Variants in CREB5 observed in about 807,000 individuals in gnomAD.
The protein encoded by CREB5 is cyclic AMP-responsive element-binding protein 5.
CREB5 carries 19 observed loss-of-function variants against 57.1 expected under a neutral mutation model. That is an observed-to-expected ratio of 0.33 (90% CI 0.23 to 0.49). The LOEUF is 0.49. Among genes scored for constraint, CREB5 ranks in the 20% least tolerant of loss-of-function variants. The pLI, the probability that CREB5 is intolerant of heterozygous loss-of-function variation, is 0.99. For missense variants in CREB5, 579 were observed against 671.6 expected, an observed-to-expected ratio of 0.86 and a Z score of 1.52; for synonymous variants, 238 against 238.3, an observed-to-expected ratio of 1.00 and a Z score of 0.01.
At chr7:28,413,805 G>T (rs924101951) in intron 1 of CREB5, among the ~76,000 whole-genome samples, 11 of 152,086 alleles carry the variant, frequency 7.2e-5, no homozygotes, top group Admixed American at 6.5e-5. Flanking sequence ...TTCCTGCATA[G>T]ATTTTCAATT....
intron 5 of CREB5, among the ~76,000 whole-genome samples, chr7:28,709,210 T>C (rs1802278911): frequency 6.6e-6 from 1 of 152,238 alleles, no homozygotes; most frequent in African/African-American, 2.4e-5. Context: ...CATCTCTTCA[T>C]GTCTGTAAGT....
intron 5 of CREB5, among the ~76,000 whole-genome samples, chr7:28,628,296 C>T (rs1443524076): frequency 1.3e-5 from 2 of 151,956 alleles, no homozygotes; most frequent in Non-Finnish European, 2.9e-5. Flanking sequence ...CTGAACTTAC[C>T]TCTGTTTGTT....
chr7:28,371,791 A>G (rs1392995873), intron 1 of CREB5, among the ~76,000 whole-genome samples: 2 of 151,752 alleles, frequency 1.3e-5, no homozygotes, highest in African/African-American at 2.4e-5. Flanking sequence ...CGTGTCCTCC[A>G]GTAGTCTCCA....
At chr7:28,552,238 A>G (rs150975298) in intron 4 of CREB5, among the ~76,000 whole-genome samples, 6 of 152,120 alleles carry the variant, frequency 3.9e-5, no homozygotes, top group Non-Finnish European at 5.9e-5. Flanking sequence ...GGGTTTTGCC[A>G]TGTTGCCCAG....
At chr7:28,805,736 T>G (rs1808687949) in intron 8 of CREB5, among the ~76,000 whole-genome samples, 1 of 151,770 alleles carries the variant, frequency 6.6e-6, no homozygotes, top group African/African-American at 2.4e-5. Flanking sequence ...ATTTTTTTCC[T>G]GCCTTCCTCA....
intron 7 of CREB5, among the ~76,000 whole-genome samples, chr7:28,783,228 C>T (rs1807093937): frequency 6.6e-6 from 1 of 152,192 alleles, no homozygotes; most frequent in Non-Finnish European, 1.5e-5. Flanking sequence ...TATGCAATGT[C>T]CACACTAAAG....
intron 4 of CREB5, among the ~76,000 whole-genome samples, chr7:28,510,242 A>G (rs1214278999): frequency 6.6e-6 from 1 of 152,182 alleles, no homozygotes; most frequent in Non-Finnish European, 1.5e-5. Context: ...AAGCAGAAAC[A>G]CAGGTTCTTA....
chr7:28,557,532 C>T (rs1237723374), intron 4 of CREB5, among the ~76,000 whole-genome samples: 2 of 151,814 alleles, frequency 1.3e-5, no homozygotes, highest in African/African-American at 2.4e-5. Flanking sequence ...TGATCTGGTG[C>T]TTTTGGACCA....
At chr7:28,505,275 G>A (rs977107747) in intron 3 of CREB5, among the ~76,000 whole-genome samples, 2 of 152,062 alleles carry the variant, frequency 1.3e-5, no homozygotes, top group African/African-American at 4.8e-5. Flanking sequence ...CTCAGATCTT[G>A]TCCATACACT....
At chr7:28,726,247 G>A (rs1228007965) in intron 7 of CREB5, among the ~76,000 whole-genome samples, 2 of 152,164 alleles carry the variant, frequency 1.3e-5, no homozygotes, top group Admixed American at 6.5e-5. Flanking sequence ...GGGGCTTAGG[G>A]AGTACAGCTA....
intron 1 of CREB5, among the ~76,000 whole-genome samples, chr7:28,472,998 A>G (rs1318239400): frequency 6.6e-6 from 1 of 152,126 alleles, no homozygotes; most frequent in Non-Finnish European, 1.5e-5. Context: ...GTCTTCAAAC[A>G]GCTCATATGC....
intron 1 of CREB5, among the ~76,000 whole-genome samples, chr7:28,482,719 T>C (rs1791384964): frequency 6.6e-6 from 1 of 152,156 alleles, no homozygotes; most frequent in Non-Finnish European, 1.5e-5. Context: ...AAGCCCCCCT[T>C]TCAGATTTAT....
chr7:28,783,000 C>T (rs1041009422), intron 7 of CREB5, among the ~76,000 whole-genome samples: 9 of 152,078 alleles, frequency 5.9e-5, no homozygotes, highest in Admixed American at 2.0e-4. Flanking sequence ...AGGAAGATGA[C>T]GATTTAAGAT....
chr7:28,315,044 C>T (rs143204896), intron 1 of CREB5, among the ~76,000 whole-genome samples: 19 of 152,294 alleles, frequency 1.2e-4, no homozygotes, highest in African/African-American at 4.3e-4. Context: ...CCCTTGAAGT[C>T]AGTAGGAGAT....
At chr7:28,351,523 A>G (rs11765845) in intron 1 of CREB5, among the ~76,000 whole-genome samples, 100,706 of 152,046 alleles carry the variant, frequency 0.66, 34,183 homozygotes, top group South Asian at 0.77. Flanking sequence ...CTTTCTTCCC[A>G]TCTATTAATG....
chr7:28,329,880 A>G (rs1785681486), intron 1 of CREB5, among the ~76,000 whole-genome samples: 1 of 152,254 alleles, frequency 6.6e-6, no homozygotes, highest in Non-Finnish European at 1.5e-5. Flanking sequence ...AGTAAAACCA[A>G]ACCAAACAAT....
chr7:28,369,843 G>A (rs910799801), intron 1 of CREB5, among the ~76,000 whole-genome samples: 3 of 152,094 alleles, frequency 2.0e-5, no homozygotes, highest in Admixed American at 6.5e-5. Flanking sequence ...TATTCTGATT[G>A]CTTCACTTCA....
At chr7:28,653,505 A>G (rs1799220973) in intron 5 of CREB5, among the ~76,000 whole-genome samples, 2 of 152,176 alleles carry the variant, frequency 1.3e-5, no homozygotes, top group African/African-American at 4.8e-5. Flanking sequence ...TTCCCGTGTT[A>G]CACTTTGGGA....
chr7:28,375,949 G>T (rs1786813600), intron 1 of CREB5, among the ~76,000 whole-genome samples: 1 of 152,198 alleles, frequency 6.6e-6, no homozygotes, highest in Non-Finnish European at 1.5e-5. Flanking sequence ...TAAATAACTT[G>T]TCTAAGGTCA....
Sources: allele counts gnomAD v4.1 joint callset (sites outside exome capture counted in the v4.1 genomes callset), GRCh38; gene constraint gnomAD v4.1.1; transcripts MANE v1.5; gene names NCBI Gene and HGNC (gene_info 2026-07-23, HGNC 2026-07-21).